EXOC4: variants seen among roughly 807,000 people sequenced by gnomAD.
EXOC4 encodes SEC8-like 1.
In EXOC4, 71 loss-of-function variants were observed where a neutral mutation model predicts 107.2. That is an observed-to-expected ratio of 0.66 (90% CI 0.55 to 0.81). The LOEUF (loss-of-function observed/expected upper bound fraction) is 0.81. Among genes scored for constraint, EXOC4 ranks in the 30% least tolerant of loss-of-function variants. The probability of loss-of-function intolerance (pLI) is 0.00; values close to 1 mark genes in which losing one functional copy is unlikely to be tolerated. For missense variants in EXOC4, 1,108 were observed against 1,189.6 expected, an observed-to-expected ratio of 0.93 and a Z score of 1.01; for synonymous variants, 456 against 441.2, an observed-to-expected ratio of 1.03 and a Z score of -0.42.
At chr7:133,392,796 C>T (rs1055775607) in intron 7 of EXOC4, among the ~76,000 whole-genome samples, 1 of 152,174 alleles carries the variant, frequency 6.6e-6, no homozygotes, top group African/African-American at 2.4e-5. Context: ...AATTTAATTT[C>T]AGGTTCATTA....
chr7:133,681,362 G>C (rs1393512225), intron 10 of EXOC4, among the ~76,000 whole-genome samples: 1 of 128,586 alleles, frequency 7.8e-6, no homozygotes, highest in Non-Finnish European at 1.6e-5. Flanking sequence ...TTTGAATGAT[G>C]AAAACTTGCT....
At chr7:133,267,829 C>G (rs1005380586) in intron 1 of EXOC4, among the ~76,000 whole-genome samples, 1 of 152,216 alleles carries the variant, frequency 6.6e-6, no homozygotes, top group Admixed American at 6.5e-5. Flanking sequence ...AGGCTGGGAA[C>G]TGTCCTCCAT....
At chr7:133,542,151 AG>A (rs1365151112) in intron 9 of EXOC4, among the ~76,000 whole-genome samples, 5 of 146,648 alleles carry the variant, frequency 3.4e-5, no homozygotes, top group Non-Finnish European at 7.5e-5. Context: ...ATTGGAGAAA[AG>A]GCAGACAAAT....
intron 7 of EXOC4, among the ~76,000 whole-genome samples, chr7:133,418,737 T>C (rs141629056): frequency 4.3e-4 from 65 of 152,322 alleles, no homozygotes; most frequent in African/African-American, 1.5e-3. Flanking sequence ...GTAGTTACTT[T>C]TAGGGTTATT....
intron 17 of EXOC4, among the ~76,000 whole-genome samples, chr7:134,051,019 G>T (rs1219665693): frequency 1.3e-5 from 2 of 152,098 alleles, no homozygotes; most frequent in Non-Finnish European, 2.9e-5. Context: ...GATAGACCTG[G>T]TGACAACTGG....
chr7:133,972,469 G>T (rs1801264990), intron 14 of EXOC4, among the ~76,000 whole-genome samples: 1 of 152,168 alleles, frequency 6.6e-6, no homozygotes, highest in African/African-American at 2.4e-5. Context: ...GGATTAGGGA[G>T]TTCGTTACTT....
At chr7:133,732,330 CG>C (rs1477935206) in intron 10 of EXOC4, among the ~76,000 whole-genome samples, 3 of 152,238 alleles carry the variant, frequency 2.0e-5, no homozygotes, top group African/African-American at 7.2e-5. Flanking sequence ...GCTAAGCATG[CG>C]GGGCTTAATA....
intron 17 of EXOC4, among the ~76,000 whole-genome samples, chr7:134,046,566 T>TC (rs1209884903): frequency 4.6e-5 from 7 of 151,590 alleles, no homozygotes; most frequent in Non-Finnish European, 8.8e-5. Flanking sequence ...TTTTTTTTTT[T>TC]CTGAGTTTGT....
chr7:134,059,739 A>G (rs915959632), intron 17 of EXOC4, among the ~76,000 whole-genome samples: 14 of 152,226 alleles, frequency 9.2e-5, no homozygotes, highest in African/African-American at 3.1e-4. Flanking sequence ...TAAGAAAGAA[A>G]TTGGCTAGAA....
At chr7:133,436,715 G>C (rs188558858) in intron 7 of EXOC4, among the ~76,000 whole-genome samples, 84 of 152,246 alleles carry the variant, frequency 5.5e-4, no homozygotes, top group Middle Eastern at 3.4e-3. Flanking sequence ...TCAGTGTATG[G>C]TTATTAATGT....
chr7:133,642,343 G>A (rs1004876940), intron 10 of EXOC4, among the ~76,000 whole-genome samples: 1 of 151,984 alleles, frequency 6.6e-6, no homozygotes, highest in Non-Finnish European at 1.5e-5. Context: ...TTTTTTACAC[G>A]TAGAAGATTA....
chr7:133,390,513 A>G (rs1279409211), intron 7 of EXOC4, among the ~76,000 whole-genome samples: 2 of 152,178 alleles, frequency 1.3e-5, no homozygotes, highest in Non-Finnish European at 2.9e-5. Context: ...AGCAAGCAGG[A>G]CAGAAAGTGG....
intron 14 of EXOC4, among the ~76,000 whole-genome samples, chr7:133,959,617 A>C (rs1212824392): frequency 6.6e-6 from 1 of 152,044 alleles, no homozygotes; most frequent in Non-Finnish European, 1.5e-5. Flanking sequence ...GACCCAGTGG[A>C]TGAAAACAGA....
At chr7:133,362,759 AT>A (rs955477038) in intron 6 of EXOC4, among the ~76,000 whole-genome samples, 6 of 152,012 alleles carry the variant, frequency 3.9e-5, no homozygotes, top group African/African-American at 7.2e-5. Flanking sequence ...ATTGCTCATG[AT>A]TTTTTTTAGA....
chr7:133,679,086 A>G (rs1794128618), intron 10 of EXOC4, among the ~76,000 whole-genome samples: 1 of 152,160 alleles, frequency 6.6e-6, no homozygotes, highest in Non-Finnish European at 1.5e-5. Flanking sequence ...CATATTTATA[A>G]TTTAGGTCCT....
intron 9 of EXOC4, among the ~76,000 whole-genome samples, chr7:133,621,083 A>G (rs892093543): frequency 2.0e-5 from 3 of 152,318 alleles, no homozygotes; most frequent in African/African-American, 7.2e-5. Flanking sequence ...ACTGCTGCTA[A>G]TGGATCCTCC....
chr7:133,436,164 A>G (rs976693393), intron 7 of EXOC4, among the ~76,000 whole-genome samples: 1 of 151,780 alleles, frequency 6.6e-6, no homozygotes, highest in African/African-American at 2.4e-5. Flanking sequence ...CTTGGCATCC[A>G]TGCAAACTAA....
chr7:134,021,138 C>T (rs555691712), intron 17 of EXOC4, among the ~76,000 whole-genome samples: 1 of 152,256 alleles, frequency 6.6e-6, no homozygotes, highest in East Asian at 1.9e-4. Flanking sequence ...GAGACTATCA[C>T]AGGAAAGCTA....
chr7:133,820,809 C>T (rs142261684), intron 11 of EXOC4, among the ~76,000 whole-genome samples: 12 of 152,252 alleles, frequency 7.9e-5, no homozygotes, highest in South Asian at 2.1e-4. Context: ...TGTTTGATAA[C>T]GGACAGACAC....
Sources: allele counts gnomAD v4.1 joint callset (sites outside exome capture counted in the v4.1 genomes callset), GRCh38; gene constraint gnomAD v4.1.1; transcripts MANE v1.5; gene names NCBI Gene and HGNC (gene_info 2026-07-23, HGNC 2026-07-21).